Variants in ZNF385D observed in about 807,000 individuals in gnomAD.
The protein encoded by ZNF385D is zinc finger protein 659.
ZNF385D carries 15 observed loss-of-function variants against 35.8 expected under a neutral mutation model. The ratio of observed to expected loss-of-function variants is 0.42; its 90% CI spans 0.28 to 0.64. The LOEUF is 0.64. Ranked by LOEUF, ZNF385D falls within the 30% of genes least tolerant of loss-of-function variation. ZNF385D has a pLI of 0.23. For missense variants in ZNF385D, 474 were observed against 494.6 expected (o/e 0.96, Z 0.39); for synonymous variants, 212 against 186.8 (o/e 1.13, Z -1.10).
intron 3 of ZNF385D, among the ~76,000 whole-genome samples, chr3:21,857,722 T>C (rs181750265): frequency 1.3e-3 from 192 of 151,926 alleles, no homozygotes; most frequent in Non-Finnish European, 2.0e-3. Context: ...TGCCCTTGAC[T>C]CTCTTACTGA....
intron 3 of ZNF385D, among the ~76,000 whole-genome samples, chr3:21,956,029 GA>G (rs1702267447): frequency 1.3e-5 from 2 of 151,510 alleles, no homozygotes; most frequent in South Asian, 4.2e-4. Context: ...CTCTAAAAAA[GA>G]AAAAAAATTA....
chr3:21,866,628 A>G lies in ZNF385D; in HGVS notation c.326-201600T>C, dbSNP rs184485066. 4.2e-3 allele frequency among the ~76,000 whole-genome samples: 640 copies of G among 152,302 alleles called. 1 individual carries two copies. Among genetic ancestry groups the G allele is most frequent in the Non-Finnish European group, 6.9e-3 (470 of 68,026 alleles). ...GGAACCCAAGACATCTGCATTTTCA[A>G]CAAGTCCCAGGTAATGCTGATGCTG... On this transcript the variant is annotated intron_variant, in intron 3 of 5. Transcript: ENST00000494108.
intron 4 of ZNF385D, among the ~76,000 whole-genome samples, chr3:21,468,352 A>T (rs1298980899): frequency 1.3e-5 from 2 of 149,794 alleles, no homozygotes; most frequent in African/African-American, 2.5e-5. Flanking sequence ...CACTGAGCCA[A>T]GATCATACCA....
At chr3:21,447,743 A>G (rs1424402184) in intron 4 of ZNF385D, among the ~76,000 whole-genome samples, 1 of 152,182 alleles carries the variant, frequency 6.6e-6, no homozygotes, top group Non-Finnish European at 1.5e-5. Flanking sequence ...CTGACTGGTA[A>G]TTTAGAATGA....
intron 3 of ZNF385D, among the ~76,000 whole-genome samples, chr3:22,120,020 G>C (rs1703007697): frequency 6.7e-6 from 1 of 149,176 alleles, no homozygotes; most frequent in Admixed American, 6.7e-5. Context: ...GGTAGAAACA[G>C]GATCTCACTA....
intron 3 of ZNF385D, among the ~76,000 whole-genome samples, chr3:21,791,263 GT>G (rs2071915846): frequency 1.3e-5 from 2 of 152,138 alleles, no homozygotes; most frequent in Non-Finnish European, 2.9e-5. Flanking sequence ...TAAGTAAGCT[GT>G]TTTGATGTGG....
At chr3:21,627,284 T>TGTGTGTGA (rs1425947782) in intron 2 of ZNF385D, among the ~76,000 whole-genome samples, 2 of 149,800 alleles carry the variant, frequency 1.3e-5, no homozygotes, top group African/African-American at 4.9e-5. Context: ...TGTGTGTGTG[T>TGTGTGTGA]GTGAATTACT....
intron 3 of ZNF385D, among the ~76,000 whole-genome samples, chr3:21,775,823 T>A (rs948660734): frequency 7.9e-5 from 12 of 151,856 alleles, no homozygotes; most frequent in African/African-American, 2.9e-4. Flanking sequence ...TTTCTAGAGC[T>A]CATTTGTATA....
At chr3:21,699,173 T>C (rs1195878408) in intron 1 of ZNF385D, among the ~76,000 whole-genome samples, 2 of 151,946 alleles carry the variant, frequency 1.3e-5, no homozygotes, top group Non-Finnish European at 2.9e-5. Context: ...AAAGGATGAG[T>C]TCATGTCCTT....
At chr3:22,221,028 G>C (rs893863586) in intron 2 of ZNF385D, among the ~76,000 whole-genome samples, 2 of 151,836 alleles carry the variant, frequency 1.3e-5, no homozygotes, top group African/African-American at 4.8e-5. Flanking sequence ...ATGGTAGCTT[G>C]ATTTATTCCA....
At chr3:21,678,621 TA>T (rs1241750058) in intron 1 of ZNF385D, among the ~76,000 whole-genome samples, 1 of 152,074 alleles carries the variant, frequency 6.6e-6, no homozygotes, top group Non-Finnish European at 1.5e-5. Flanking sequence ...ACTTAAATTG[TA>T]AAGATTATTT....
At chr3:21,570,724 T>G (rs1394143685) in intron 2 of ZNF385D, among the ~76,000 whole-genome samples, 1 of 152,092 alleles carries the variant, frequency 6.6e-6, no homozygotes, top group Non-Finnish European at 1.5e-5. Flanking sequence ...ACATAACTAG[T>G]AAGTGGGAGA....
chr3:21,553,014 T>C (rs946086574), intron 3 of ZNF385D, among the ~76,000 whole-genome samples: 1 of 152,174 alleles, frequency 6.6e-6, no homozygotes, highest in African/African-American at 2.4e-5. Context: ...CTTGCTTTTT[T>C]TGAAGATGAA....
chr3:21,913,609 C>G (rs1479465378), intron 3 of ZNF385D, among the ~76,000 whole-genome samples: 1 of 152,030 alleles, frequency 6.6e-6, no homozygotes, highest in Non-Finnish European at 1.5e-5. Context: ...ACATCAAAAG[C>G]CTTGTCTTTA....
At chr3:22,339,273 C>T (rs766856166) in intron 2 of ZNF385D, among the ~76,000 whole-genome samples, 1 of 152,090 alleles carries the variant, frequency 6.6e-6, no homozygotes, top group Non-Finnish European at 1.5e-5. Context: ...TGAAGTTGCC[C>T]AAGTGCGTAA....
intron 2 of ZNF385D, among the ~76,000 whole-genome samples, chr3:22,180,102 G>A (rs1425595150): frequency 6.6e-6 from 1 of 152,050 alleles, no homozygotes; most frequent in African/African-American, 2.4e-5. Context: ...TGATAAAGGG[G>A]ATATAACCAC....
intron 3 of ZNF385D, among the ~76,000 whole-genome samples, chr3:21,512,783 T>C (rs1707305933): frequency 6.6e-6 from 1 of 152,194 alleles, no homozygotes; most frequent in African/African-American, 2.4e-5. Flanking sequence ...ATTTTGTCTT[T>C]TTTTTCCCTG....
chr3:22,138,508 T>C (rs1411390728), intron 3 of ZNF385D, among the ~76,000 whole-genome samples: 6 of 151,524 alleles, frequency 4.0e-5, no homozygotes, highest in Admixed American at 2.0e-4. Flanking sequence ...TCAGAAATAA[T>C]GCCACATATC....
At chr3:22,269,105 A>G (rs897746727) in intron 2 of ZNF385D, among the ~76,000 whole-genome samples, 1 of 151,956 alleles carries the variant, frequency 6.6e-6, no homozygotes, top group African/African-American at 2.4e-5. Flanking sequence ...CAAACAAACA[A>G]ACAGCTTATA....
Sources: gnomAD v4.1 joint callset for allele counts (sites outside exome capture counted in the v4.1 genomes callset) on GRCh38, gnomAD v4.1.1 for gene constraint, MANE v1.5 for transcripts, NCBI Gene and HGNC (gene_info 2026-07-23, HGNC 2026-07-21) for gene names.